PI4K2A: variants seen among roughly 807,000 people sequenced by gnomAD.
The protein encoded by PI4K2A is phosphatidylinositol 4-kinase type 2 alpha.
PI4K2A carries 20 observed loss-of-function variants against 55.0 expected under a neutral mutation model. The observed-to-expected ratio is 0.36, with a 90% CI of 0.26 to 0.53. PI4K2A has a LOEUF of 0.53. Among genes scored for constraint, PI4K2A ranks in the 20% least tolerant of loss-of-function variants. The pLI, the probability that PI4K2A is intolerant of heterozygous loss-of-function variation, is 0.91. For synonymous variants in PI4K2A, 235 were observed against 258.5 expected (o/e 0.91, Z 0.87); for missense variants, 463 against 637.1 (o/e 0.73, Z 2.94).
At chr10:97,664,829 G>A in intron 5 of PI4K2A, 56 bp from the exon 6 acceptor site, 3 of 1,174,178 alleles carry the variant, frequency 2.6e-6, no homozygotes, top group Non-Finnish European at 3.8e-6. Context: ...GCTACTAATT[G>A]GAAGGGCCTG....
intron 1 of PI4K2A, among the ~76,000 whole-genome samples, chr10:97,645,983 T>TAA (rs1219822677): frequency 1.3e-5 from 2 of 152,180 alleles, no homozygotes; most frequent in African/African-American, 4.8e-5. Context: ...CAGCAGTTCT[T>TAA]AGAGTGTGGC....
rs1250783639 is a variant in PI4K2A at position 97,665,000 on chromosome 10, A to G, written c.1084+16A>G. 3 of 1,513,904 alleles carry G rather than the reference A, an allele frequency of 2.0e-6. No individual in the cohort carries two copies. Among genetic ancestry groups the G allele is most frequent in the Non-Finnish European group, 2.8e-6 (3 of 1,089,030 alleles). 93.8% of individuals were successfully genotyped at this position (1,513,904 alleles called of 1,614,324 possible). Reference sequence around the variant, plus strand: ...TGGAGGGCATGTAAGTCTCCAGACAATGGTGGTCTGGCTCTTCCCTTGCTC... The same window carrying G: ...TGGAGGGCATGTAAGTCTCCAGACAGTGGTGGTCTGGCTCTTCCCTTGCTC... On this transcript the variant is annotated intron_variant, in intron 6 of 8. Transcript: ENST00000370631.
chr10:97,640,691 G>C (rs563836778), exon 1 of PI4K2A: 1 of 1,312,978 alleles, frequency 7.6e-7, no homozygotes, highest in Admixed American at 3.0e-5. Context: ...GGTCGCGGCC[G>C]CGAGCGCAGT....
Position 97,640,868 on chromosome 10 carries a change from C to G in PI4K2A, c.126C>G (p.Ala42=), listed in dbSNP as rs995124073. The change falls in exon 1 of 9, where the codon GCC becomes GCG. Residue 42 remains alanine, a synonymous_variant. Transcript: ENST00000370631. ...GCGCGGTCCGAGTGGCGGCGGCGGC[C>G]GGCTCGGGCCCCTCTCCGCCGGGCT... is the stretch of plus-strand genomic sequence containing the variant. 2.0e-5 allele frequency: 26 copies of G among 1,310,264 alleles called. No individual in the cohort carries two copies. In the African/African-American group the frequency reaches 3.9e-4, roughly 19 times the overall value. The allele number at this position is 1,310,264 out of a possible 1,614,324, so 81.2% of individuals were successfully genotyped here.
At chr10:97,651,438 T>G (rs2041529818) in intron 2 of PI4K2A, among the ~76,000 whole-genome samples, 1 of 152,184 alleles carries the variant, frequency 6.6e-6, no homozygotes, top group Non-Finnish European at 1.5e-5. Context: ...CCCAAGCTAG[T>G]TAGAAACCTA....
exon 9 of PI4K2A, chr10:97,673,703 G>C (rs762314827): frequency 1.9e-6 from 3 of 1,614,108 alleles, no homozygotes; most frequent in Admixed American, 1.7e-5. Context: ...CCTACACACA[G>C]AGCTTTCAGA....
intron 4 of PI4K2A, 22 bp from the exon 5 acceptor site, chr10:97,662,885 A>G: frequency 6.4e-7 from 1 of 1,557,020 alleles, no homozygotes; most frequent in Middle Eastern, 1.7e-4. Context: ...TTTTTCTGCT[A>G]ACTTTATATT....
chr10:97,673,555 C>T (rs1264059660), intron 8 of PI4K2A, 26 bp from the exon 9 acceptor site: 3 of 1,611,092 alleles, frequency 1.9e-6, no homozygotes, highest in Non-Finnish European at 2.5e-6. Flanking sequence ...GCCTCTCCCT[C>T]ACCCATCTCC....
At position 97,656,995 on chromosome 10, in the gene PI4K2A, C is replaced by A; in HGVS notation, c.922+21C>A. The stretch of plus-strand genomic sequence containing the variant: ...CACTGGTGAGCAGCTGCAGGTGGTC[C>A]CATGCCCTGTGCCAGACTGTGTTGA... On this transcript the variant is annotated intron_variant, in intron 4 of 8. Coordinates refer to ENST00000370631, the Ensembl canonical transcript of PI4K2A. This position sits in a 1 kb window ranked among gnomAD's most constrained non-coding sequence, Gnocchi z 4.5. 1 of 1,613,726 alleles carries A rather than the reference C, an allele frequency of 6.2e-7. No individual in the cohort carries two copies.
chr10:97,675,537 G>C (rs1005055875), exon 9 of PI4K2A: 2 of 152,372 alleles, frequency 1.3e-5, no homozygotes, highest in Non-Finnish European at 2.9e-5. Flanking sequence ...AGGGGACCCA[G>C]GTGTGCATAG....
chr10:97,649,299 A>G (rs531005029), intron 1 of PI4K2A, among the ~76,000 whole-genome samples: 3 of 152,328 alleles, frequency 2.0e-5, no homozygotes, highest in African/African-American at 7.2e-5. Context: ...AGATGAATGT[A>G]AAACAACCTC....
chr10:97,669,338 C>A (rs1182350825), intron 8 of PI4K2A, among the ~76,000 whole-genome samples: 1 of 152,208 alleles, frequency 6.6e-6, no homozygotes, highest in Non-Finnish European at 1.5e-5. Context: ...AAGGAGTAAA[C>A]TGGCTTCTCC....
At chr10:97,647,464 G>A (rs2041510182) in intron 1 of PI4K2A, among the ~76,000 whole-genome samples, 1 of 152,218 alleles carries the variant, frequency 6.6e-6, no homozygotes, top group Non-Finnish European at 1.5e-5. Context: ...TGAATGAGAA[G>A]AGTATTCTTG....
At chr10:97,668,316 A>C (rs1216718529) in intron 8 of PI4K2A, among the ~76,000 whole-genome samples, 1 of 152,160 alleles carries the variant, frequency 6.6e-6, no homozygotes, top group Non-Finnish European at 1.5e-5. Flanking sequence ...GGTGGCTCAC[A>C]CTTGTAATCC....
intron 5 of PI4K2A, 127 bp downstream of exon 5, chr10:97,663,095 A>G: frequency 1.5e-6 from 1 of 668,126 alleles, no homozygotes; most frequent in Non-Finnish European, 2.7e-6. Context: ...TTTAAAATTA[A>G]TAGGTTAATA....
intron 4 of PI4K2A, among the ~76,000 whole-genome samples, chr10:97,661,677 G>A (rs549536706): frequency 6.6e-6 from 1 of 151,678 alleles, no homozygotes; most frequent in Admixed American, 6.6e-5. Flanking sequence ...TTTCTTAAAT[G>A]TCTTCAATTT....
intron 8 of PI4K2A, among the ~76,000 whole-genome samples, chr10:97,673,298 AT>A (rs892181889): frequency 2.0e-5 from 3 of 152,040 alleles, no homozygotes; most frequent in Non-Finnish European, 2.9e-5. Context: ...GCAAGTATTT[AT>A]TTTTTTGAAT....
intron 4 of PI4K2A, among the ~76,000 whole-genome samples, chr10:97,660,282 T>C (rs1252095925): frequency 3.4e-5 from 5 of 147,532 alleles, no homozygotes; most frequent in African/African-American, 1.3e-4. Flanking sequence ...ATTACAGGCG[T>C]GAGCCACCGC....
Position 97,656,510 on chromosome 10 carries a change from C to G in PI4K2A, c.768+94C>G. The G allele has an allele frequency of 2.5e-6, 3 of 1,209,142 alleles. No individual in the cohort carries two copies. The highest frequency in any genetic ancestry group is 3.6e-6 in the Non-Finnish European group (3 of 835,380). 74.9% of individuals were successfully genotyped at this position (1,209,142 alleles called of 1,614,324 possible). A position where few individuals can be genotyped will look rare whatever the true frequency, so the allele number is the denominator to read the frequency against. ...AAGGTGCCTACAACTCAAATATGGG[C>G]ACGTGAATAACCTGCCCTGAGGATC... is the stretch of plus-strand genomic sequence containing the variant. On this transcript the variant is annotated intron_variant, in intron 3 of 8. Coordinates refer to ENST00000370631, the Ensembl canonical transcript of PI4K2A. This position sits in a 1 kb window ranked among gnomAD's most constrained non-coding sequence, Gnocchi z 4.5.
Sources: allele counts gnomAD v4.1 joint callset (sites outside exome capture counted in the v4.1 genomes callset), GRCh38; gene constraint gnomAD v4.1.1; non-coding constraint Gnocchi (gnomAD v3.1); transcripts MANE v1.5; gene names NCBI Gene and HGNC (gene_info 2026-07-23, HGNC 2026-07-21).